Variants in NAALADL2 observed in about 807,000 individuals in gnomAD.
The protein encoded by NAALADL2 is N-acetylated alpha-linked acidic dipeptidase like 2.
NAALADL2 carries 76 observed loss-of-function variants against 87.2 expected under a neutral mutation model. That is an observed-to-expected ratio of 0.87 (90% confidence interval 0.72 to 1.05). The LOEUF (loss-of-function observed/expected upper bound fraction) is 1.05, where lower values mean the gene tolerates loss of function less well. NAALADL2 is among the 50% of genes least tolerant of loss of function. The probability of loss-of-function intolerance (pLI) is 0.00; values close to 1 mark genes in which losing one functional copy is unlikely to be tolerated. For missense variants in NAALADL2, 1,089 were observed against 945.8 expected (o/e 1.15, Z -1.99); for synonymous variants, 354 against 331.0 (o/e 1.07, Z -0.75).
At chr3:175,048,782 A>C (rs917899139) in intron 1 of NAALADL2, among the ~76,000 whole-genome samples, 1 of 152,270 alleles carries the variant, frequency 6.6e-6, no homozygotes, top group African/African-American at 2.4e-5. Flanking sequence ...CAACTGTAAC[A>C]TTAAGGTTCT....
intron 11 of NAALADL2, among the ~76,000 whole-genome samples, chr3:175,706,999 A>G (rs1054575941): frequency 2.0e-5 from 3 of 152,168 alleles, no homozygotes; most frequent in African/African-American, 7.2e-5. Flanking sequence ...TAGAATAAAA[A>G]CAAAAAAGTT....
intron 1 of NAALADL2, among the ~76,000 whole-genome samples, chr3:174,944,848 G>T (rs1739163757): frequency 6.6e-6 from 1 of 152,100 alleles, no homozygotes; most frequent in African/African-American, 2.4e-5. Flanking sequence ...CCTGGGCAGG[G>T]AGTTTCCACT....
intron 6 of NAALADL2, among the ~76,000 whole-genome samples, chr3:175,451,741 A>G (rs1047373105): frequency 2.6e-5 from 4 of 152,158 alleles, no homozygotes; most frequent in African/African-American, 4.8e-5. Context: ...AAAATTTTAC[A>G]TAAATAAATT....
chr3:174,648,122 G>T (rs79831272), intron 2 of NAALADL2, among the ~76,000 whole-genome samples: 5,077 of 152,128 alleles, frequency 0.033, 228 homozygotes, highest in African/African-American at 0.1. Flanking sequence ...CAGAGGGAGA[G>T]ACCACATTCA....
intron 1 of NAALADL2, among the ~76,000 whole-genome samples, chr3:175,061,464 A>G (rs1014685688): frequency 1.3e-5 from 2 of 152,150 alleles, no homozygotes; most frequent in Non-Finnish European, 2.9e-5. Context: ...TAAAGTCTTC[A>G]TCCATAGACA....
chr3:174,665,979 G>A (rs1725919936), intron 2 of NAALADL2, among the ~76,000 whole-genome samples: 1 of 152,114 alleles, frequency 6.6e-6, no homozygotes, highest in Non-Finnish European at 1.5e-5. Flanking sequence ...TGGATTTAGG[G>A]TCCACCCTAA....
At chr3:174,481,323 G>A (rs944034315) in intron 1 of NAALADL2, among the ~76,000 whole-genome samples, 4 of 152,030 alleles carry the variant, frequency 2.6e-5, no homozygotes, top group African/African-American at 7.2e-5. Flanking sequence ...AGTAACATGA[G>A]GGGCATTCAT....
chr3:175,445,166 C>A (rs1005477945), intron 5 of NAALADL2, among the ~76,000 whole-genome samples: 2 of 152,156 alleles, frequency 1.3e-5, no homozygotes, highest in African/African-American at 4.8e-5. Flanking sequence ...TTTTCTGAGT[C>A]AGTAAAAATA....
chr3:175,439,155 T>A (rs1347004810), intron 5 of NAALADL2, among the ~76,000 whole-genome samples: 1 of 152,150 alleles, frequency 6.6e-6, no homozygotes, highest in African/African-American at 2.4e-5. Context: ...TCCAATTCCA[T>A]CCCGGTTGCT....
chr3:175,718,227 T>TTTTTTTTTTTTAA, intron 11 of NAALADL2: 4 of 1,037,686 alleles, frequency 3.9e-6, no homozygotes, highest in Non-Finnish European at 5.6e-6. Flanking sequence ...TTTTTTTGAT[T>TTTTTTTTTTTTAA]AGTTGCTGTA....
At chr3:175,114,641 T>C (rs1056466104) in intron 2 of NAALADL2, among the ~76,000 whole-genome samples, 2 of 151,654 alleles carry the variant, frequency 1.3e-5, no homozygotes, top group Non-Finnish European at 3.0e-5. Context: ...TGAGGCAGAC[T>C]ATTAAAACTA....
At position 175,079,634 on chromosome 3, in the gene NAALADL2, T is replaced by C. The variant is rs148082128; in HGVS notation, c.44-17156T>C. ...CGAGATATTGACATAAACAACTCCATATCAAAGAATGATTTTTAATTTTTG... is the reference window on the plus strand; with the variant it reads ...CGAGATATTGACATAAACAACTCCACATCAAAGAATGATTTTTAATTTTTG... On this transcript the variant is annotated intron_variant, in intron 1 of 13. Coordinates refer to ENST00000454872, the MANE Select transcript of NAALADL2 (RefSeq NM_207015.3). Among the ~76,000 whole-genome samples, 547 of 152,298 alleles carry C rather than the reference T, an allele frequency of 3.6e-3. 4 individuals carry two copies. The highest frequency in any genetic ancestry group is 0.013 in the African/African-American group (528 of 41,566).
At chr3:175,412,269 A>G (rs1036550491) in intron 5 of NAALADL2, among the ~76,000 whole-genome samples, 1 of 152,200 alleles carries the variant, frequency 6.6e-6, no homozygotes, top group Non-Finnish European at 1.5e-5. Context: ...GTGCACGTGC[A>G]CGCGTATAGT....
intron 2 of NAALADL2, among the ~76,000 whole-genome samples, chr3:174,605,183 A>G (rs1718872837): frequency 6.6e-6 from 1 of 152,202 alleles, no homozygotes; most frequent in African/African-American, 2.4e-5. Flanking sequence ...TAGGGGGTCG[A>G]GCCAAGATGG....
chr3:175,460,185 T>TAG, intron 6 of NAALADL2: 1 of 456,486 alleles, frequency 2.2e-6, no homozygotes. Context: ...GGTGTGTCTT[T>TAG]AGAGCAAGTT....
At chr3:175,367,688 T>C (rs1438770829) in intron 5 of NAALADL2, among the ~76,000 whole-genome samples, 8 of 152,122 alleles carry the variant, frequency 5.3e-5, no homozygotes, top group African/African-American at 1.9e-4. Context: ...ATGCTTGTGA[T>C]TTTTGTACAT....
chr3:174,900,244 A>C (rs1226079854), intron 1 of NAALADL2, among the ~76,000 whole-genome samples: 4 of 152,084 alleles, frequency 2.6e-5, no homozygotes, highest in Non-Finnish European at 4.4e-5. Flanking sequence ...TGGACAAGTT[A>C]GAATCACAAA....
At chr3:175,597,711 C>A (rs1391424440) in intron 10 of NAALADL2, among the ~76,000 whole-genome samples, 1 of 151,920 alleles carries the variant, frequency 6.6e-6, no homozygotes. Flanking sequence ...TACCATTCTC[C>A]CCAAGTTGTA....
At chr3:174,901,054 A>T (rs995953117) in intron 1 of NAALADL2, among the ~76,000 whole-genome samples, 1 of 152,184 alleles carries the variant, frequency 6.6e-6, no homozygotes, top group African/African-American at 2.4e-5. Flanking sequence ...GTCCAACTGT[A>T]TGATAAAATT....
Sources: allele counts gnomAD v4.1 joint callset (sites outside exome capture counted in the v4.1 genomes callset), GRCh38; gene constraint gnomAD v4.1.1; transcripts MANE v1.5; gene names NCBI Gene and HGNC (gene_info 2026-07-23, HGNC 2026-07-21).